Variants in PCDHGA9 observed in about 807,000 individuals in gnomAD.
PCDHGA9 encodes the protein protocadherin gamma subfamily A, 9, also known as protocadherin gamma-A9.
PCDHGA9 carries 37 observed loss-of-function variants against 62.5 expected under a neutral mutation model. The ratio of observed to expected loss-of-function variants is 0.59; its 90% CI spans 0.46 to 0.78. The LOEUF (loss-of-function observed/expected upper bound fraction) is 0.78. PCDHGA9 is among the 30% of genes least tolerant of loss of function. PCDHGA9 has a pLI of 0.00. For missense variants in PCDHGA9, 1,138 were observed against 1,166.2 expected, an observed-to-expected ratio of 0.98 and a Z score of 0.35; for synonymous variants, 459 against 484.6, an observed-to-expected ratio of 0.95 and a Z score of 0.69.
chr5:141,421,251 G>C (rs771398829), intron 1 of PCDHGA9: 1 of 1,606,888 alleles, frequency 6.2e-7, no homozygotes, highest in Non-Finnish European at 8.5e-7. Context: ...TACAGCGCGG[G>C]GACCGCAGTC....
Position 141,403,717 on chromosome 5 carries a change from G to A in PCDHGA9, c.765G>A (p.Val255=), listed in dbSNP as rs1561689674. Residue 255 remains valine, a synonymous_variant, in exon 1 of 4, where the codon GTG becomes GTA. Transcript: ENST00000573521. ...RIYRVKVLEN[V]PPGTWLLTAT... is the part of the protein sequence containing the mutation. Reference sequence around the variant, plus strand: ...ACCGAGTTAAAGTCCTTGAGAACGTGCCCCCAGGCACCTGGCTGCTTACTG... The same window carrying A: ...ACCGAGTTAAAGTCCTTGAGAACGTACCCCCAGGCACCTGGCTGCTTACTG... 3 of 1,613,936 alleles carry A rather than the reference G, an allele frequency of 1.9e-6. No homozygotes were observed. In the South Asian group the frequency reaches 3.3e-5, roughly 18 times the overall value.
At chr5:141,420,369 T>C in intron 1 of PCDHGA9, 2 of 1,349,364 alleles carry the variant, frequency 1.5e-6, no homozygotes, top group Non-Finnish European at 2.0e-6. Flanking sequence ...AGATAACTTC[T>C]TCATAGAGTT....
intron 1 of PCDHGA9, chr5:141,427,842 C>A: frequency 6.5e-7 from 1 of 1,549,268 alleles, no homozygotes. Flanking sequence ...TGCCTTCGAC[C>A]ACGAGCAGCT....
chr5:141,475,254 C>T (rs776471860), intron 1 of PCDHGA9, among the ~76,000 whole-genome samples: 9 of 152,208 alleles, frequency 5.9e-5, no homozygotes, highest in Admixed American at 1.3e-4. Flanking sequence ...TGCTCTACAA[C>T]TGAGATCATG....
In PCDHGA9 at chr5:141,404,612, G is replaced by A. The variant is rs774633321; in HGVS notation, c.1660G>A (p.Asp554Asn). 2 of 1,614,110 alleles carry A rather than the reference G, an allele frequency of 1.2e-6. No homozygotes were observed. The highest frequency in any genetic ancestry group is 3.3e-5 in the Admixed American group (2 of 60,022). ...TGTGTCATTGAGACTGTTTGTTTTG[G>A]ACCAGAATGACAATGCCCCAGAAAT... Reference protein sequence around the residue: ...SNVSLRLFVLDQNDNAPEILY... With the variant: ...SNVSLRLFVLNQNDNAPEILY... Residue 554 changes from aspartate to asparagine, a missense_variant, in exon 1 of 4, where the codon GAC becomes AAC. Asp to Asn is a conservative substitution (Grantham distance 23, BLOSUM62 1). Transcript: ENST00000573521.
At chr5:141,430,573 A>C (rs938248057) in intron 1 of PCDHGA9, 8 of 448,940 alleles carry the variant, frequency 1.8e-5, no homozygotes, top group Non-Finnish European at 3.0e-5. Context: ...AGAAAAGCGG[A>C]GATCCTGCTC....
chr5:141,425,426 A>T (rs1227154364), intron 1 of PCDHGA9, among the ~76,000 whole-genome samples: 1 of 152,236 alleles, frequency 6.6e-6, no homozygotes, highest in African/African-American at 2.4e-5. Flanking sequence ...AGTCCCATTA[A>T]ATAGAGGATA....
At position 141,476,011 on chromosome 5, in the gene PCDHGA9, A is replaced by C. The variant is rs1415142555; in HGVS notation, c.2425-18796A>C. On this transcript the variant is annotated intron_variant, in intron 1 of 3. Coordinates refer to ENST00000573521, the MANE Select transcript of PCDHGA9 (RefSeq NM_018921.3). This position sits in a 1 kb window ranked among gnomAD's most constrained non-coding sequence, Gnocchi z 7.6. The stretch of plus-strand genomic sequence containing the variant: ...GCAAATCAACGGCATCCAGAAAGCC[A>C]TGTCGGACTCGGCGCCCAGCGCCCA... 2.3e-6 allele frequency: 3 copies of C among 1,311,164 alleles called. No homozygotes were observed. Among genetic ancestry groups the C allele is most frequent in the African/African-American group, 1.5e-5 (1 of 68,020 alleles). 81.2% of individuals were successfully genotyped at this position (1,311,164 alleles called of 1,614,324 possible).
At position 141,413,154 on chromosome 5, in the gene PCDHGA9, A is replaced by C. The variant is rs1308503780; in HGVS notation, c.2424+7778A>C. 10 of 1,576,026 alleles carry C rather than the reference A, an allele frequency of 6.3e-6. No homozygotes were observed. In the South Asian group the frequency reaches 1.2e-4, roughly 18 times the overall value. ...ACAACGTGTCCAGTGAGGACTTTGC[A>C]GAATTCTGTAACCAGACTACAATGG... On this transcript the variant is annotated intron_variant, in intron 1 of 3. Coordinates refer to ENST00000573521, the MANE Select transcript of PCDHGA9 (RefSeq NM_018921.3).
At chr5:141,468,758 C>G (rs929005462) in intron 1 of PCDHGA9, among the ~76,000 whole-genome samples, 1 of 151,802 alleles carries the variant, frequency 6.6e-6, no homozygotes, top group Admixed American at 6.6e-5. Context: ...CCCAGCTACT[C>G]GGGAGGCTGA....
intron 1 of PCDHGA9, chr5:141,413,082 A>G: frequency 7.4e-7 from 1 of 1,344,446 alleles, no homozygotes; most frequent in African/African-American, 1.5e-5. Context: ...CCCAGGCTAC[A>G]GAGACACCCT....
At chr5:141,418,248 C>G (rs372067603) in intron 1 of PCDHGA9, 1 of 1,614,000 alleles carries the variant, frequency 6.2e-7, no homozygotes, top group Admixed American at 1.7e-5. Context: ...AATGACCACG[C>G]CCCTCAATTC....
At chr5:141,463,108 T>G (rs1212278355) in intron 1 of PCDHGA9, among the ~76,000 whole-genome samples, 1 of 152,202 alleles carries the variant, frequency 6.6e-6, no homozygotes, top group Non-Finnish European at 1.5e-5. Flanking sequence ...CATCAAGAAT[T>G]CAGCTAATAG....
At chr5:141,480,046 A>G (rs919527311) in intron 1 of PCDHGA9, among the ~76,000 whole-genome samples, 1 of 152,206 alleles carries the variant, frequency 6.6e-6, no homozygotes, top group Non-Finnish European at 1.5e-5. Context: ...ATATGCAAAA[A>G]GGGAATAATA....
chr5:141,486,345 A>C lies in PCDHGA9; in HGVS notation c.2425-8462A>C. On this transcript the variant is annotated intron_variant, in intron 1 of 3. Coordinates refer to ENST00000573521, the MANE Select transcript of PCDHGA9 (RefSeq NM_018921.3). This position sits in a 1 kb window ranked among gnomAD's most constrained non-coding sequence, Gnocchi z 5.0. Reference sequence around the variant, plus strand: ...GGAGATGTGAGCCTCCGCATTCCTGACCACTTGCCATTTGCCCTCAAGTCT... The same window carrying C: ...GGAGATGTGAGCCTCCGCATTCCTGCCCACTTGCCATTTGCCCTCAAGTCT... The C allele has an allele frequency of 6.2e-7, 1 of 1,613,940 alleles. No homozygotes were observed. The highest frequency in any genetic ancestry group is 8.5e-7 in the Non-Finnish European group (1 of 1,179,986).
chr5:141,511,351 C>T lies in PCDHGA9; in HGVS notation c.*178C>T. The T allele has an allele frequency of 3.6e-6, 5 of 1,386,550 alleles. No individual in the cohort carries two copies. Among genetic ancestry groups the T allele is most frequent in the South Asian group, 1.5e-5 (1 of 67,154 alleles). The allele number at this position is 1,386,550 out of a possible 1,614,324, so 85.9% of individuals were successfully genotyped here. On this transcript the variant is annotated 3_prime_UTR_variant, in exon 4 of 4. Transcript: ENST00000573521. ...CCAGTCAGCACCTACCCCTTCCCCC[C>T]CAGGGGGTTGAATATGCAAAAGCAG...
rs192227219 is a variant in PCDHGA9 at position 141,501,899 on chromosome 5, A to G, written c.2484-3494A>G. Among the ~76,000 whole-genome samples the G allele has an allele frequency of 1.0e-3, 159 of 152,024 alleles. 1 individual carries two copies. The highest frequency in any genetic ancestry group is 6.8e-3 in the Middle Eastern group (2 of 294). ...TACACTCCTGATCATCATGGTTCCA[A>G]CCCCACTGTTCCACTCAGCTTTGTT... is the stretch of plus-strand genomic sequence containing the variant. On this transcript the variant is annotated intron_variant, in intron 2 of 3. Transcript: ENST00000573521.
chr5:141,496,980 G>T (rs186715298), intron 2 of PCDHGA9, among the ~76,000 whole-genome samples: 1 of 151,974 alleles, frequency 6.6e-6, no homozygotes, highest in Admixed American at 6.6e-5. Flanking sequence ...GAGGTCAGGG[G>T]TTTGAGACCA....
Position 141,476,605 on chromosome 5 carries a change from T to C in PCDHGA9, c.2425-18202T>C, listed in dbSNP as rs1394742940. ...CGCTCGAGAGCGCGCACGATCCCGATGTGGGAAGCAACTCTTTACAAACCT... is the reference window on the plus strand; with the variant it reads ...CGCTCGAGAGCGCGCACGATCCCGACGTGGGAAGCAACTCTTTACAAACCT... On this transcript the variant is annotated intron_variant, in intron 1 of 3. Transcript: ENST00000573521. This position sits in a 1 kb window ranked among gnomAD's most constrained non-coding sequence, Gnocchi z 7.6. 1.9e-6 allele frequency: 3 copies of C among 1,614,066 alleles called. No individual in the cohort carries two copies. In the East Asian group the frequency reaches 6.7e-5, roughly 36 times the overall value.
Sources: allele counts gnomAD v4.1 joint callset (sites outside exome capture counted in the v4.1 genomes callset), GRCh38; gene constraint gnomAD v4.1.1; non-coding constraint Gnocchi (gnomAD v3.1); transcripts MANE v1.5; gene names NCBI Gene and HGNC (gene_info 2026-07-23, HGNC 2026-07-21).